MED13L: variants seen among roughly 807,000 people sequenced by gnomAD.
MED13L encodes mediator of RNA polymerase II transcription subunit 13-like.
Under a neutral mutation model 220.9 loss-of-function variants are expected in MED13L, and 7 were observed. That is an observed-to-expected ratio of 0.03 (90% CI 0.02 to 0.06). MED13L has a LOEUF of 0.06. Among genes scored for constraint, MED13L ranks in the 10% least tolerant of loss-of-function variants. The pLI is 1.00. For missense variants in MED13L, 1,965 were observed against 2,760.5 expected (o/e 0.71, Z 6.46); for synonymous variants, 1,011 against 1,015.2 (o/e 1.00, Z 0.08).
intron 3 of MED13L, among the ~76,000 whole-genome samples, chr12:116,097,421 T>C (rs771119673): frequency 3.3e-5 from 5 of 152,180 alleles, no homozygotes; most frequent in Non-Finnish European, 7.4e-5. Context: ...GCTGGGATTA[T>C]AGGTGTGAGC....
chr12:116,042,570 T>G (rs1326926430), intron 4 of MED13L, among the ~76,000 whole-genome samples: 4 of 152,226 alleles, frequency 2.6e-5, no homozygotes, highest in East Asian at 3.8e-4. Context: ...AAATTTATAT[T>G]ACTAGTAAAG....
At chr12:115,984,096 A>G (rs1327872109) in intron 20 of MED13L, 84 bp downstream of exon 20, 2 of 1,390,440 alleles carry the variant, frequency 1.4e-6, no homozygotes, top group Admixed American at 1.9e-5. Flanking sequence ...AAGAAATATA[A>G]TGTTGCATCT....
chr12:116,021,795 A>T (rs1041617026), intron 5 of MED13L, among the ~76,000 whole-genome samples: 2 of 152,214 alleles, frequency 1.3e-5, no homozygotes, highest in African/African-American at 4.8e-5. Context: ...TGTTACTCAC[A>T]GAAAATTCTG....
intron 25 of MED13L, among the ~76,000 whole-genome samples, chr12:115,973,037 T>A (rs960486738): frequency 3.9e-5 from 6 of 152,158 alleles, no homozygotes; most frequent in Non-Finnish European, 7.3e-5. Context: ...CACACTTTTT[T>A]TCCCCCAAAT....
chr12:115,970,581 G>GTCT lies in MED13L; in HGVS notation c.6067+10_6067+12dup. ...ATGAAGGTGAGCACTATCCATACAG[G>GTCT]TCTTCTACTCACCATTGTTGGGGCT... On this transcript the variant is annotated intron_variant, in intron 27 of 30. Coordinates refer to ENST00000281928, the MANE Select transcript of MED13L (RefSeq NM_015335.5). 1 of 1,612,854 alleles carries GTCT rather than the reference G, an allele frequency of 6.2e-7. No individual in the cohort carries two copies. The highest frequency in any genetic ancestry group is 8.5e-7 in the Non-Finnish European group (1 of 1,179,072).
At chr12:116,272,487 G>A (rs945906492) in intron 1 of MED13L, among the ~76,000 whole-genome samples, 1 of 151,970 alleles carries the variant, frequency 6.6e-6, no homozygotes, top group Admixed American at 6.6e-5. Context: ...CCTTGAACCC[G>A]GGAGCTGAAT....
chr12:116,063,108 A>T (rs1433592432), intron 4 of MED13L, among the ~76,000 whole-genome samples: 4 of 152,138 alleles, frequency 2.6e-5, no homozygotes, highest in African/African-American at 9.7e-5. Context: ...TGGCTATTTG[A>T]TATCCAATTT....
chr12:116,196,486 G>A (rs775377737), intron 2 of MED13L, among the ~76,000 whole-genome samples: 4 of 152,114 alleles, frequency 2.6e-5, no homozygotes, highest in Non-Finnish European at 4.4e-5. Context: ...TGAGATAAGA[G>A]TGCTTTCTTT....
intron 8 of MED13L, among the ~76,000 whole-genome samples, chr12:116,013,364 G>A (rs1055388882): frequency 5.9e-5 from 9 of 152,204 alleles, no homozygotes; most frequent in African/African-American, 1.9e-4. Context: ...GGCTGAGATA[G>A]ACACCCTTGC....
In MED13L at chr12:116,205,665, G is replaced by A. The variant is rs1882270598; in HGVS notation, c.310+31803C>T. ...GAAGAAAATGGGTTACAAACAGAAT[G>A]ATTAAAAAAGGTATATTTTGGTAAA... On this transcript the variant is annotated intron_variant, in intron 2 of 30. Coordinates refer to ENST00000281928, the MANE Select transcript of MED13L (RefSeq NM_015335.5). Among the ~76,000 whole-genome samples the A allele has an allele frequency of 2.6e-5, 4 of 151,852 alleles. No individual in the cohort carries two copies. The South Asian group carries it at 8.3e-4, about 32-fold the overall frequency.
At chr12:116,120,088 A>AT (rs1215230029) in intron 2 of MED13L, among the ~76,000 whole-genome samples, 1 of 151,848 alleles carries the variant, frequency 6.6e-6, no homozygotes, top group African/African-American at 2.4e-5. Flanking sequence ...AGTTGACTTG[A>AT]TTATGTATAT....
At chr12:116,145,693 A>ATTTG (rs113636095) in intron 2 of MED13L, among the ~76,000 whole-genome samples, 6,595 of 139,802 alleles carry the variant, frequency 0.047, 181 homozygotes, top group Middle Eastern at 0.099. Flanking sequence ...TTATTTATTT[A>ATTTG]TTTATTTATT....
chr12:116,190,734 T>C (rs1428158793), intron 2 of MED13L, among the ~76,000 whole-genome samples: 2 of 152,202 alleles, frequency 1.3e-5, no homozygotes. Flanking sequence ...GTGAAAACGA[T>C]ACAATTTGAC....
At chr12:115,979,563 C>G (rs1877184681) in intron 23 of MED13L, among the ~76,000 whole-genome samples, 1 of 152,184 alleles carries the variant, frequency 6.6e-6, no homozygotes, top group Non-Finnish European at 1.5e-5. Flanking sequence ...CTAAGCTGAC[C>G]TGCACCAAGT....
At chr12:116,076,212 T>G (rs894079847) in intron 4 of MED13L, among the ~76,000 whole-genome samples, 3 of 152,138 alleles carry the variant, frequency 2.0e-5, no homozygotes, top group Non-Finnish European at 2.9e-5. Context: ...CTAAAATCCT[T>G]GGCAGGGGAC....
intron 11 of MED13L, chr12:116,007,055 T>G (rs1879092781): frequency 6.0e-6 from 2 of 333,852 alleles, no homozygotes; most frequent in Non-Finnish European, 1.2e-5. Context: ...GTATACCTAC[T>G]GTTACAAACA....
chr12:116,274,594 T>C (rs1217896714), intron 1 of MED13L, among the ~76,000 whole-genome samples: 2 of 150,652 alleles, frequency 1.3e-5, no homozygotes, highest in Non-Finnish European at 3.0e-5. Flanking sequence ...TCCAGGTTGC[T>C]ACTGCTGTAT....
chr12:116,132,624 G>C (rs1876169209), intron 2 of MED13L, among the ~76,000 whole-genome samples: 1 of 151,668 alleles, frequency 6.6e-6, no homozygotes, highest in South Asian at 2.1e-4. Context: ...AAGGTGAAAA[G>C]AAAGGGAAGA....
chr12:116,019,291 A>C lies in MED13L; in HGVS notation c.942T>G (p.Ser314Arg). The C allele has an allele frequency of 6.2e-7, 1 of 1,613,964 alleles. No homozygotes were observed. The highest frequency in any genetic ancestry group is 8.5e-7 in the Non-Finnish European group (1 of 1,179,928). Residue 314 changes from serine to arginine, a missense_variant, in exon 7 of 31, where the codon AGT becomes AGG. Ser to Arg is a moderately radical substitution (Grantham distance 110, BLOSUM62 -1). Around this residue, in one of 10 missense-constraint regions of MED13L, gnomAD observed 818 missense variants for 1,041.2 expected, o/e 0.79. Transcript: ENST00000281928. ...HIAVGQQGLG[S>R]VKDPSNCGMP... ...TCCCACAGTTACTTGGGTCCTTCAC[A>C]CTACCAAGCCCTTGCTGCCCAACTG...
Sources: allele counts gnomAD v4.1 joint callset (sites outside exome capture counted in the v4.1 genomes callset), GRCh38; gene constraint gnomAD v4.1.1; regional missense constraint gnomAD v4.1.1; transcripts MANE v1.5; gene names NCBI Gene and HGNC (gene_info 2026-07-23, HGNC 2026-07-21).